Variants in C12orf42 observed in about 807,000 individuals in gnomAD.
C12orf42 encodes uncharacterized protein C12orf42.
In C12orf42, 25 loss-of-function variants were observed where a neutral mutation model predicts 21.6. The ratio of observed to expected loss-of-function variants is 1.16; its 90% CI spans 0.84 to 1.62. C12orf42 has a LOEUF of 1.62. Ranked by LOEUF, C12orf42 falls within the 40% of genes most tolerant of loss-of-function variation. The pLI is 0.00. For synonymous variants in C12orf42, 174 were observed against 175.0 expected, an observed-to-expected ratio of 0.99 and a Z score of 0.05; for missense variants, 483 against 459.3, an observed-to-expected ratio of 1.05 and a Z score of -0.47.
intron 2 of C12orf42, among the ~76,000 whole-genome samples, chr12:103,411,271 TATTA>T (rs1593879409): frequency 1.3e-5 from 2 of 152,198 alleles, no homozygotes; most frequent in African/African-American, 4.8e-5. Flanking sequence ...ATTCTATTAA[TATTA>T]ATATGCAAAA....
intron 2 of C12orf42, among the ~76,000 whole-genome samples, chr12:103,475,886 A>G (rs1954010189): frequency 6.6e-6 from 1 of 152,190 alleles, no homozygotes; most frequent in African/African-American, 2.4e-5. Flanking sequence ...AAGCCTCAGA[A>G]TCTTTCTCAA....
intron 4 of C12orf42, among the ~76,000 whole-genome samples, chr12:103,339,011 C>T (rs181665485): frequency 1.7e-4 from 26 of 152,304 alleles, no homozygotes; most frequent in Admixed American, 6.5e-4. Flanking sequence ...TATTCATTCA[C>T]ATTAACATAA....
the C12orf42 span, among the ~76,000 whole-genome samples, chr12:103,070,262 C>T: frequency 1.3e-5 from 2 of 152,086 alleles, no homozygotes; most frequent in African/African-American, 4.8e-5. Context: ...TCCTTGGCAG[C>T]TCCACAGGCT....
the C12orf42 span, among the ~76,000 whole-genome samples, chr12:103,138,821 C>T: frequency 6.6e-6 from 1 of 152,194 alleles, no homozygotes; most frequent in African/African-American, 2.4e-5. Context: ...CTTGCATCCA[C>T]ACATCCCCTG....
chr12:103,347,732 G>A (rs2042758216), intron 4 of C12orf42, among the ~76,000 whole-genome samples: 1 of 152,072 alleles, frequency 6.6e-6, no homozygotes, highest in Non-Finnish European at 1.5e-5. Flanking sequence ...ACAAGGTGGG[G>A]AGCCATCCAT....
chr12:103,177,845 G>A, the C12orf42 span, among the ~76,000 whole-genome samples: 4 of 135,092 alleles, frequency 3.0e-5, no homozygotes, highest in Non-Finnish European at 6.5e-5. Context: ...TTTAATGGCC[G>A]TGTGTGTGTG....
chr12:103,550,694 T>A, the C12orf42 span: 1 of 152,294 alleles, frequency 6.6e-6, no homozygotes, highest in Admixed American at 6.5e-5. Flanking sequence ...CTCATTATTA[T>A]TTCTATTTCT....
chr12:103,505,132 C>T, the C12orf42 span, among the ~76,000 whole-genome samples: 2 of 152,180 alleles, frequency 1.3e-5, no homozygotes, highest in South Asian at 2.1e-4. Context: ...AGATGGAATT[C>T]TCTGTAGAGT....
At chr12:103,249,712 A>T (rs1407024969) in intron 10 of C12orf42, among the ~76,000 whole-genome samples, 1 of 152,114 alleles carries the variant, frequency 6.6e-6, no homozygotes, top group East Asian at 1.9e-4. Flanking sequence ...TAAATAAGAG[A>T]ACAAACTCAA....
intron 4 of C12orf42, among the ~76,000 whole-genome samples, chr12:103,294,583 GGAAAGAAAGAAAGAAA>G (rs60577440): frequency 2.3e-3 from 186 of 80,348 alleles, no homozygotes; most frequent in East Asian, 3.0e-3. Flanking sequence ...AAGGAAGGAA[GGAAAGAAAGAAAGAAA>G]GAAAGAAAGA....
At chr12:103,150,865 C>T in the C12orf42 span, among the ~76,000 whole-genome samples, 1 of 152,258 alleles carries the variant, frequency 6.6e-6, no homozygotes, top group African/African-American at 2.4e-5. Context: ...CCATTTTGCT[C>T]AAGAAAATTC....
the C12orf42 span, among the ~76,000 whole-genome samples, chr12:103,224,961 TTA>T: frequency 3.3e-5 from 5 of 152,142 alleles, no homozygotes; most frequent in Admixed American, 3.3e-4. Context: ...ACGTACGTTT[TTA>T]TGAGAATTAT....
At chr12:103,161,104 C>T in the C12orf42 span, among the ~76,000 whole-genome samples, 24 of 152,162 alleles carry the variant, frequency 1.6e-4, no homozygotes, top group Non-Finnish European at 2.9e-4. Flanking sequence ...GTAATGGATA[C>T]CATAACTTTC....
intron 4 of C12orf42, among the ~76,000 whole-genome samples, chr12:103,367,769 C>T (rs759931487): frequency 2.0e-5 from 3 of 151,760 alleles, no homozygotes; most frequent in African/African-American, 2.4e-5. Flanking sequence ...ATGTATTATC[C>T]CCCCCCAAAA....
chr12:103,122,910 G>A, the C12orf42 span, among the ~76,000 whole-genome samples: 2 of 152,138 alleles, frequency 1.3e-5, no homozygotes, highest in Non-Finnish European at 2.9e-5. Context: ...GAGGATATAT[G>A]AAGAGGGCCA....
chr12:103,386,450 G>C (rs1188100048), intron 3 of C12orf42, among the ~76,000 whole-genome samples: 1 of 152,052 alleles, frequency 6.6e-6, no homozygotes, highest in Non-Finnish European at 1.5e-5. Flanking sequence ...ACTTATCTCT[G>C]CTCTCCCAAA....
chr12:103,414,404 G>C (rs1370863978), intron 2 of C12orf42, among the ~76,000 whole-genome samples: 1 of 152,008 alleles, frequency 6.6e-6, no homozygotes, highest in Admixed American at 6.6e-5. Context: ...CAGATGCATA[G>C]AATCATTTTT....
chr12:103,152,529 A>G, the C12orf42 span, among the ~76,000 whole-genome samples: 1 of 152,188 alleles, frequency 6.6e-6, no homozygotes, highest in Non-Finnish European at 1.5e-5. Context: ...CAAATATAGG[A>G]AAAAATGAAT....
At chr12:103,191,103 G>A in the C12orf42 span, among the ~76,000 whole-genome samples, 823 of 152,194 alleles carry the variant, frequency 5.4e-3, 1 homozygote, top group South Asian at 0.01. Context: ...AGTAGTTTGC[G>A]TATATTCACA....
Sources: gnomAD v4.1 joint callset for allele counts (sites outside exome capture counted in the v4.1 genomes callset) on GRCh38, gnomAD v4.1.1 for gene constraint, MANE v1.5 for transcripts, NCBI Gene and HGNC (gene_info 2026-07-23, HGNC 2026-07-21) for gene names.